Variants in TBC1D9 observed in about 807,000 individuals in gnomAD.
The protein encoded by TBC1D9 is TBC1 domain family member 9A.
A neutral mutation model predicts 132.0 loss-of-function variants in TBC1D9; 63 were observed. The ratio of observed to expected loss-of-function variants is 0.48; its 90% CI spans 0.39 to 0.59. TBC1D9 has a LOEUF of 0.59. TBC1D9 is among the 20% of genes least tolerant of loss of function. The pLI, the probability that TBC1D9 is intolerant of heterozygous loss-of-function variation, is 0.00. For missense variants in TBC1D9, 1,261 were observed against 1,592.7 expected, an observed-to-expected ratio of 0.79 and a Z score of 3.54; for synonymous variants, 610 against 609.9, an observed-to-expected ratio of 1.00 and a Z score of 0.00.
chr4:140,686,525 C>G (rs13112073), intron 2 of TBC1D9, 63 bp from the exon 3 acceptor site: 1 of 1,085,976 alleles, frequency 9.2e-7, no homozygotes, highest in Non-Finnish European at 1.4e-6. Flanking sequence ...AAAAACCAGG[C>G]TCACTTTTTC....
chr4:140,653,422 C>T (rs569566707), intron 13 of TBC1D9, among the ~76,000 whole-genome samples: 4 of 152,270 alleles, frequency 2.6e-5, no homozygotes, highest in Non-Finnish European at 4.4e-5. Context: ...CTGCATCCAG[C>T]GCAGTGAATC....
chr4:140,693,055 A>G lies in TBC1D9; in HGVS notation c.242-6593T>C, dbSNP rs910680660. Among the ~76,000 whole-genome samples the G allele has an allele frequency of 5.9e-5, 9 of 152,126 alleles. No homozygotes were observed. In the South Asian group the frequency reaches 1.2e-3, roughly 21 times the overall value. On this transcript the variant is annotated intron_variant, in intron 2 of 20. Transcript: ENST00000442267. The stretch of plus-strand genomic sequence containing the variant: ...AAAAAAAACAACAAAAAACAACAAA[A>G]AAACTGTCAAACATATCCAGATTTT...
chr4:140,707,514 T>C (rs1738166934), intron 1 of TBC1D9, among the ~76,000 whole-genome samples: 1 of 152,230 alleles, frequency 6.6e-6, no homozygotes, highest in Admixed American at 6.5e-5. Context: ...TCTGCGAAGA[T>C]GGTAGGTTTC....
intron 13 of TBC1D9, chr4:140,644,921 C>A: frequency 2.2e-6 from 1 of 446,374 alleles, no homozygotes; most frequent in Non-Finnish European, 4.4e-6. Flanking sequence ...TGGGTGGGAA[C>A]GCAGGGGCCA....
At chr4:140,702,577 A>G (rs932694159) in intron 1 of TBC1D9, among the ~76,000 whole-genome samples, 1 of 152,324 alleles carries the variant, frequency 6.6e-6, no homozygotes, top group Non-Finnish European at 1.5e-5. Flanking sequence ...CAATGTTCCC[A>G]GACAACTTGT....
At chr4:140,728,529 T>C (rs1318523330) in intron 1 of TBC1D9, among the ~76,000 whole-genome samples, 1 of 152,202 alleles carries the variant, frequency 6.6e-6, no homozygotes, top group Non-Finnish European at 1.5e-5. Flanking sequence ...AGTCTTACTC[T>C]GTCACCCAGG....
chr4:140,666,800 T>C (rs1294716082), intron 9 of TBC1D9, among the ~76,000 whole-genome samples: 1 of 144,770 alleles, frequency 6.9e-6, no homozygotes, highest in Non-Finnish European at 1.5e-5. Flanking sequence ...TCAATAAAGA[T>C]ATCACAAAAA....
chr4:140,643,682 C>G (rs1737049710), intron 13 of TBC1D9: 1 of 1,180,902 alleles, frequency 8.5e-7, no homozygotes, highest in Admixed American at 2.6e-5. Flanking sequence ...TCTCGGGTGT[C>G]AGCTGCACCC....
chr4:140,735,420 CAT>C (rs1560900143), intron 1 of TBC1D9, among the ~76,000 whole-genome samples: 1 of 152,132 alleles, frequency 6.6e-6, no homozygotes, highest in African/African-American at 2.4e-5. Context: ...CTTTTATAAG[CAT>C]ATATGTCAGC....
intron 1 of TBC1D9, among the ~76,000 whole-genome samples, chr4:140,716,897 C>A: frequency 6.8e-6 from 1 of 146,262 alleles, no homozygotes; most frequent in South Asian, 2.4e-4. Flanking sequence ...CTCATTTAAA[C>A]TGAGTTTAGA....
At chr4:140,695,475 C>T (rs964155745) in intron 2 of TBC1D9, among the ~76,000 whole-genome samples, 5 of 152,206 alleles carry the variant, frequency 3.3e-5, no homozygotes, top group African/African-American at 9.6e-5. Flanking sequence ...ATCCTCTCCA[C>T]GCTTTCCTTT....
At chr4:140,688,390 G>C (rs919949968) in intron 2 of TBC1D9, among the ~76,000 whole-genome samples, 1 of 152,134 alleles carries the variant, frequency 6.6e-6, no homozygotes, top group African/African-American at 2.4e-5. Context: ...AACTGGCTGG[G>C]GGCAGTAGCA....
chr4:140,654,898 T>C (rs1489306149), intron 13 of TBC1D9, among the ~76,000 whole-genome samples: 1 of 152,150 alleles, frequency 6.6e-6, no homozygotes, highest in Admixed American at 6.5e-5. Context: ...GATATTTGGG[T>C]ACAAGTTTAT....
chr4:140,657,409 GC>G lies in TBC1D9; in HGVS notation c.2207+117del, dbSNP rs1737290253. The G allele has an allele frequency of 2.2e-6, 3 of 1,342,020 alleles. No homozygotes were observed. In the South Asian group the frequency reaches 4.3e-5, roughly 19 times the overall value. 83.1% of individuals were successfully genotyped at this position (1,342,020 alleles called of 1,614,324 possible). On this transcript the variant is annotated intron_variant, in intron 12 of 20. Coordinates refer to ENST00000442267, the MANE Select transcript of TBC1D9 (RefSeq NM_015130.3). ...AAAAGCATATGAAAATAAATCCTCAGCCACAGGAAGAAGCGGGCATTATGAT... is the reference window on the plus strand; with the variant it reads ...AAAAGCATATGAAAATAAATCCTCAGCACAGGAAGAAGCGGGCATTATGAT...
rs777792151 is a variant in TBC1D9, at chr4:140,659,703, G to A, written c.1806C>T (p.Ala602=). The change falls in exon 11 of 21, where the codon GCC becomes GCT. Residue 602 remains alanine, a splice_region_variant and synonymous_variant. Transcript: ENST00000442267. Reference sequence around the variant, plus strand: ...GCAGCACTGAAGTGACAATATTCATGGCCTAAAAAAGTGAAAGAGGATGTC... The same window carrying A: ...GCAGCACTGAAGTGACAATATTCATAGCCTAAAAAAGTGAAAGAGGATGTC... ...FRNPNIGYCQ[A]MNIVTSVLLL... 6.3e-7 allele frequency: 1 copy of A among 1,593,806 alleles called. No individual in the cohort carries two copies. The highest frequency in any genetic ancestry group is 1.7e-5 in the Admixed American group (1 of 57,450).
chr4:140,749,980 T>C (rs575007506), intron 1 of TBC1D9, among the ~76,000 whole-genome samples: 105 of 152,182 alleles, frequency 6.9e-4, no homozygotes, highest in African/African-American at 2.5e-3. Context: ...TCAGTTACTA[T>C]AAGTTACCAC....
intron 3 of TBC1D9, among the ~76,000 whole-genome samples, chr4:140,684,007 T>C (rs1215925741): frequency 2.0e-5 from 3 of 152,268 alleles, no homozygotes; most frequent in Non-Finnish European, 2.9e-5. Context: ...TATGGAATAA[T>C]AACTAAAAAT....
intron 9 of TBC1D9, 53 bp from the exon 10 acceptor site, chr4:140,662,160 G>C (rs924225185): frequency 2.1e-5 from 29 of 1,402,390 alleles, no homozygotes; most frequent in African/African-American, 2.8e-5. Flanking sequence ...TCTGCCTTTT[G>C]GTTTGCAACT....
At chr4:140,670,060 A>G (rs540914425) in intron 7 of TBC1D9, among the ~76,000 whole-genome samples, 9 of 152,318 alleles carry the variant, frequency 5.9e-5, no homozygotes, top group Admixed American at 1.3e-4. Flanking sequence ...ATTTGCAACA[A>G]AGTGCTTGGC....
Sources: allele counts gnomAD v4.1 joint callset (sites outside exome capture counted in the v4.1 genomes callset), GRCh38; gene constraint gnomAD v4.1.1; transcripts MANE v1.5; gene names NCBI Gene and HGNC (gene_info 2026-07-23, HGNC 2026-07-21).